The following DNM2 variants were observed in gnomAD, a reference collection of about 807,000 sequenced individuals.
DNM2 encodes dynamin-2.
In DNM2, 15 loss-of-function variants were observed where a neutral mutation model predicts 99.0. The ratio of observed to expected loss-of-function variants is 0.15; its 90% CI spans 0.10 to 0.23. DNM2 has a LOEUF of 0.23. Ranked by LOEUF, DNM2 falls within the 10% of genes least tolerant of loss-of-function variation. DNM2 has a pLI of 1.00. For synonymous variants in DNM2, 525 were observed against 481.2 expected, an observed-to-expected ratio of 1.09 and a Z score of -1.19; for missense variants, 742 against 1,189.4, an observed-to-expected ratio of 0.62 and a Z score of 5.53.
At chr19:10,788,867 G>C (rs2071654269) in intron 7 of DNM2, among the ~76,000 whole-genome samples, 1 of 152,184 alleles carries the variant, frequency 6.6e-6, no homozygotes, top group African/African-American at 2.4e-5. Context: ...GGGACACCAG[G>C]AGGACACCGC....
At chr19:10,735,313 C>T (rs935565693) in intron 1 of DNM2, among the ~76,000 whole-genome samples, 8 of 152,150 alleles carry the variant, frequency 5.3e-5, no homozygotes, top group African/African-American at 1.7e-4. Context: ...GCTGGGATTA[C>T]AGGCGTAAGC....
chr19:10,729,151 C>T (rs886447618), intron 1 of DNM2, among the ~76,000 whole-genome samples: 6 of 88,446 alleles, frequency 6.8e-5, no homozygotes, highest in Admixed American at 3.8e-4. Context: ...GGCGACAGAG[C>T]GAGACTCCGT....
Position 10,795,994 on chromosome 19 carries a change from A to T in DNM2, c.1196+555A>T. 6.2e-7 allele frequency: 1 copy of T among 1,609,668 alleles called. No individual in the cohort carries two copies. Among genetic ancestry groups the T allele is most frequent in the South Asian group, 1.1e-5 (1 of 90,926 alleles). On this transcript the variant is annotated intron_variant, in intron 9 of 20. Transcript: ENST00000389253. The surrounding 1 kb of genome is among the most constrained non-coding windows in gnomAD (Gnocchi z 4.2). ...GTTGGGGACCCGGCCAGGGCCAATG[A>T]AATTGCTGACCATGCTTTGTTTCTC...
At chr19:10,769,342 C>G (rs2070901700) in intron 2 of DNM2, 1 of 152,276 alleles carries the variant, frequency 6.6e-6, no homozygotes, top group African/African-American at 2.4e-5. Context: ...CCCATCAATA[C>G]AATCCAAAGT....
At position 10,782,941 on chromosome 19, in the gene DNM2, T is replaced by G. The variant is rs746698179; in HGVS notation, c.689-19T>G. On this transcript the variant is annotated intron_variant, in intron 5 of 20. Transcript: ENST00000389253. The stretch of plus-strand genomic sequence containing the variant: ...GGCTCACCTAGCTTTGCCCCTGACC[T>G]GACTGCCTCTCCCCACAGGCTACAT... The G allele has an allele frequency of 4.3e-6, 7 of 1,613,860 alleles. No homozygotes were observed. The Admixed American group carries it at 1.2e-4, about 27-fold the overall frequency.
rs1459045708 is a variant in DNM2, at chr19:10,718,260, G to T, written c.18G>T (p.Met6Ile). Residue 6 changes from methionine to isoleucine, a missense_variant, in exon 1 of 21, where the codon ATG becomes ATT. By Grantham distance (10) the Met-to-Ile change is conservative. Transcript: ENST00000389253. ...CCGGCGCCATGGGCAACCGCGGGAT[G>T]GAAGAGCTGATCCCGCTGGTCAACA... MGNRG[M>I]EELIPLVNKL... The T allele has an allele frequency of 2.0e-6, 3 of 1,487,474 alleles. No homozygotes were observed. Among genetic ancestry groups the T allele is most frequent in the Non-Finnish European group, 2.7e-6 (3 of 1,117,296 alleles). 92.1% of individuals were successfully genotyped at this position (1,487,474 alleles called of 1,614,324 possible). A position where few individuals can be genotyped will look rare whatever the true frequency, so the allele number is the denominator to read the frequency against.
At chr19:10,773,993 A>C (rs142776837) in intron 3 of DNM2, among the ~76,000 whole-genome samples, 1 of 152,230 alleles carries the variant, frequency 6.6e-6, no homozygotes, top group African/African-American at 2.4e-5. Context: ...ACAGATTGCT[A>C]CCATGATGGG....
In DNM2 at chr19:10,802,370, T is replaced by G; in HGVS notation, c.1493+12T>G. Reference sequence around the variant, plus strand: ...ATCGGGTTTGCCAAGTAGGTACTTTTAGAGACTGGCTGGTCGGGCGGCACC... The same window carrying G: ...ATCGGGTTTGCCAAGTAGGTACTTTGAGAGACTGGCTGGTCGGGCGGCACC... On this transcript the variant is annotated intron_variant, in intron 12 of 20. Transcript: ENST00000389253. 1 of 1,614,162 alleles carries G rather than the reference T, an allele frequency of 6.2e-7. No homozygotes were observed. Among genetic ancestry groups the G allele is most frequent in the Non-Finnish European group, 8.5e-7 (1 of 1,179,992 alleles).
Position 10,831,821 on chromosome 19 carries a change from C to T in DNM2, c.*774C>T. On this transcript the variant is annotated 3_prime_UTR_variant, in exon 21 of 21. Coordinates refer to ENST00000389253, the MANE Select transcript of DNM2 (RefSeq NM_001005361.3). The surrounding 1 kb of genome is among the most constrained non-coding windows in gnomAD (Gnocchi z 4.3). The stretch of plus-strand genomic sequence containing the variant: ...CCTCTCTCTGAGGAGACCTCACCCA[C>T]TCCTCGCTCAGTTTGACCACTGTAA... The T allele has an allele frequency of 9.1e-6, 9 of 989,908 alleles. No individual in the cohort carries two copies. The highest frequency in any genetic ancestry group is 1.1e-5 in the Non-Finnish European group (9 of 832,636). 61.3% of individuals were successfully genotyped at this position (989,908 alleles called of 1,614,324 possible). A position where few individuals can be genotyped will look rare whatever the true frequency, so the allele number is the denominator to read the frequency against.
Position 10,796,149 on chromosome 19 carries a change from G to T in DNM2, c.1196+710G>T. 6.2e-7 allele frequency: 1 copy of T among 1,614,116 alleles called. No homozygotes were observed. Among genetic ancestry groups the T allele is most frequent in the Non-Finnish European group, 8.5e-7 (1 of 1,180,030 alleles). On this transcript the variant is annotated intron_variant, in intron 9 of 20. Coordinates refer to ENST00000389253, the MANE Select transcript of DNM2 (RefSeq NM_001005361.3). The surrounding 1 kb of genome is among the most constrained non-coding windows in gnomAD (Gnocchi z 5.6). ...GAAAGAGCCCTGTCTGAAATGTGTC[G>T]ACCTGGTTATCCAGGAGCTAATCAA... is the stretch of plus-strand genomic sequence containing the variant.
chr19:10,802,551 C>G (rs2072190881), intron 12 of DNM2, 193 bp downstream of exon 12: 6 of 680,212 alleles, frequency 8.8e-6, no homozygotes, highest in Admixed American at 8.3e-5. Flanking sequence ...TGTCCCCAAC[C>G]AACACGCCTT....
intron 18 of DNM2, among the ~76,000 whole-genome samples, chr19:10,826,125 C>T (rs1013965697): frequency 3.3e-5 from 5 of 152,170 alleles, no homozygotes; most frequent in South Asian, 2.1e-4. Flanking sequence ...CTAGGGTTTC[C>T]GAGCCACACT....
chr19:10,721,894 TG>T (rs2068952456), intron 1 of DNM2, among the ~76,000 whole-genome samples: 1 of 152,190 alleles, frequency 6.6e-6, no homozygotes, highest in African/African-American at 2.4e-5. Flanking sequence ...GGATTTCTTG[TG>T]GCTCTAAGAC....
chr19:10,725,951 T>TGGCTCACACTTGTG (rs1409041614), intron 1 of DNM2, among the ~76,000 whole-genome samples: 2 of 152,072 alleles, frequency 1.3e-5, no homozygotes, highest in Non-Finnish European at 2.9e-5. Flanking sequence ...CAGGGAGCGA[T>TGGCTCACACTTGTG]GGCTCACACT....
rs2073278532 is a variant in DNM2, at chr19:10,830,013, C to T, written c.2292-114C>T. ...AGGTTGGGGTGGGAGGATCCCACTGCGCCTGCGCTGTCCCCATAGCCAGCC... is the reference window on the plus strand; with the variant it reads ...AGGTTGGGGTGGGAGGATCCCACTGTGCCTGCGCTGTCCCCATAGCCAGCC... On this transcript the variant is annotated intron_variant, in intron 19 of 20. Coordinates refer to ENST00000389253, the MANE Select transcript of DNM2 (RefSeq NM_001005361.3). The surrounding 1 kb of genome is among the most constrained non-coding windows in gnomAD (Gnocchi z 4.8). 1.4e-5 allele frequency: 21 copies of T among 1,485,690 alleles called. No homozygotes were observed. The highest frequency in any genetic ancestry group is 1.7e-5 in the Non-Finnish European group (18 of 1,064,590). 92.0% of individuals were successfully genotyped at this position (1,485,690 alleles called of 1,614,324 possible). A position where few individuals can be genotyped will look rare whatever the true frequency, so the allele number is the denominator to read the frequency against.
intron 7 of DNM2, among the ~76,000 whole-genome samples, chr19:10,791,112 G>A (rs1408935664): frequency 1.3e-5 from 2 of 151,786 alleles, no homozygotes; most frequent in Non-Finnish European, 2.9e-5. Context: ...TTTGAGACAA[G>A]GTCTCTTGTT....
At chr19:10,819,780 C>T (rs1473685121) in intron 15 of DNM2, among the ~76,000 whole-genome samples, 200 bp from the exon 16 acceptor site, 1 of 152,126 alleles carries the variant, frequency 6.6e-6, no homozygotes, top group Non-Finnish European at 1.5e-5. Context: ...AGGTGGGATA[C>T]TCAGGGAGCA....
In DNM2 at chr19:10,808,575, A is replaced by G. The variant is rs753402698; in HGVS notation, c.1552A>G (p.Ile518Val). 4.3e-6 allele frequency: 7 copies of G among 1,612,234 alleles called. No homozygotes were observed. Among genetic ancestry groups the G allele is most frequent in the Non-Finnish European group, 5.1e-6 (6 of 1,179,240 alleles). ...TAACTTTGCATATTCAAAGGGGGAGATCCTGGTAAGTACATGCTTAGTGTG... is the reference window on the plus strand; with the variant it reads ...TAACTTTGCATATTCAAAGGGGGAGGTCCTGGTAAGTACATGCTTAGTGTG... ...KKRAIPNQGEILVIRRGWLTI... is the reference protein window; with the variant it reads ...KKRAIPNQGEVLVIRRGWLTI... The change falls in exon 14 of 21, where the codon ATC (isoleucine) becomes GTC (valine). Residue 518 changes from isoleucine (I) to valine (V), a missense_variant. Around this residue, in one of 7 missense-constraint regions of DNM2, gnomAD observed 240 missense variants for 431.3 expected, o/e 0.56. Coordinates refer to ENST00000389253, the MANE Select transcript of DNM2 (RefSeq NM_001005361.3).
chr19:10,762,987 T>G (rs1390943814), intron 2 of DNM2: 1 of 152,484 alleles, frequency 6.6e-6, no homozygotes, highest in Non-Finnish European at 1.5e-5. Flanking sequence ...GTGTCCCACA[T>G]GGGTGGGGCC....
Sources: allele counts gnomAD v4.1 joint callset (sites outside exome capture counted in the v4.1 genomes callset), GRCh38; gene constraint gnomAD v4.1.1; regional missense constraint gnomAD v4.1.1; non-coding constraint Gnocchi (gnomAD v3.1); transcripts MANE v1.5; gene names NCBI Gene and HGNC (gene_info 2026-07-23, HGNC 2026-07-21).